DLGAP1: variants seen among roughly 807,000 people sequenced by gnomAD.
DLGAP1 encodes the protein disks large-associated protein 1.
Under a neutral mutation model 90.8 loss-of-function variants are expected in DLGAP1, and 11 were observed. The observed-to-expected ratio is 0.12, with a 90% CI of 0.08 to 0.20. The LOEUF (loss-of-function observed/expected upper bound fraction) is 0.20. DLGAP1 is among the 10% of genes least tolerant of loss of function. The pLI is 1.00. For missense variants in DLGAP1, 1,050 were observed against 1,333.8 expected (o/e 0.79, Z 3.31); for synonymous variants, 558 against 540.7 (o/e 1.03, Z -0.44).
At chr18:3,695,778 A>G (rs535004387) in intron 7 of DLGAP1, among the ~76,000 whole-genome samples, 160 of 152,304 alleles carry the variant, frequency 1.1e-3, no homozygotes, top group African/African-American at 3.6e-3. Context: ...CATTTAATCT[A>G]TAAATTACTT....
At position 4,378,977 on chromosome 18, in the gene DLGAP1, G is replaced by T. The variant is rs2082067748; in HGVS notation, c.-267+76029C>A. On this transcript the variant is annotated intron_variant, in intron 1 of 12. Transcript: ENST00000315677. This position sits in a 1 kb window ranked among gnomAD's most constrained non-coding sequence, Gnocchi z 4.5. ...CTGCTTATCCATGTTCACAGCATGT[G>T]ATCTCCTGTGCCGCGTGACCACAGT... Among the ~76,000 whole-genome samples the T allele has an allele frequency of 6.6e-6, 1 of 152,104 alleles. No homozygotes were observed. Among genetic ancestry groups the T allele is most frequent in the Admixed American group, 6.6e-5 (1 of 15,250 alleles).
intron 7 of DLGAP1, among the ~76,000 whole-genome samples, chr18:3,602,468 G>A (rs1362659279): frequency 6.6e-6 from 1 of 150,914 alleles, no homozygotes; most frequent in South Asian, 2.1e-4. Flanking sequence ...GGTGGCGGGC[G>A]CCTGTAGTCC....
chr18:4,146,443 ATT>A (rs1409610426), intron 2 of DLGAP1, among the ~76,000 whole-genome samples: 2 of 152,100 alleles, frequency 1.3e-5, no homozygotes, highest in African/African-American at 4.8e-5. Context: ...CTCACTCATA[ATT>A]TTGTGTCGGA....
At chr18:3,650,820 G>A (rs1446500157) in intron 7 of DLGAP1, among the ~76,000 whole-genome samples, 1 of 152,204 alleles carries the variant, frequency 6.6e-6, no homozygotes, top group African/African-American at 2.4e-5. Context: ...TGTAATCCCA[G>A]CACTTTGGGA....
At chr18:3,841,559 C>G (rs1180021522) in intron 4 of DLGAP1, among the ~76,000 whole-genome samples, 2 of 152,154 alleles carry the variant, frequency 1.3e-5, no homozygotes, top group African/African-American at 4.8e-5. Flanking sequence ...ATAGAAAGAA[C>G]TGGTCCCTGG....
At chr18:4,313,388 A>T (rs1413535852) in intron 1 of DLGAP1, among the ~76,000 whole-genome samples, 1 of 152,132 alleles carries the variant, frequency 6.6e-6, no homozygotes, top group Non-Finnish European at 1.5e-5. Flanking sequence ...TACCTGTTTG[A>T]GGAGAAGAGA....
chr18:4,224,796 A>T (rs1467563133), intron 1 of DLGAP1, among the ~76,000 whole-genome samples: 1 of 152,210 alleles, frequency 6.6e-6, no homozygotes, highest in Non-Finnish European at 1.5e-5. Context: ...GAAGGATACA[A>T]GCCTGGCTGG....
chr18:4,048,877 A>G (rs2075092916), intron 2 of DLGAP1, among the ~76,000 whole-genome samples: 1 of 152,156 alleles, frequency 6.6e-6, no homozygotes, highest in African/African-American at 2.4e-5. Context: ...TCTTTCAAAT[A>G]TTTCTATCTT....
intron 2 of DLGAP1, among the ~76,000 whole-genome samples, chr18:4,089,481 C>G (rs1432016704): frequency 6.6e-6 from 1 of 152,090 alleles, no homozygotes; most frequent in Non-Finnish European, 1.5e-5. Flanking sequence ...CAAAAAAGGG[C>G]CCATATAGCC....
At position 4,284,271 on chromosome 18, in the gene DLGAP1, T is replaced by C. The variant is rs146692969; in HGVS notation, c.-266-132984A>G. Among the ~76,000 whole-genome samples, 4 of 150,066 alleles carry C rather than the reference T, an allele frequency of 2.7e-5. No homozygotes were observed. In the East Asian group the frequency reaches 5.9e-4, roughly 22 times the overall value. On this transcript the variant is annotated intron_variant, in intron 1 of 12. Coordinates refer to ENST00000315677, the MANE Select transcript of DLGAP1 (RefSeq NM_004746.4). ...AAGCCTTTCAGCAGCAGAGGTATAA[T>C]GTCGGCTCTTCCTTGAGGTAAACAG...
chr18:3,531,746 G>GCCTCA (rs2144428909), intron 10 of DLGAP1, among the ~76,000 whole-genome samples: 1 of 152,208 alleles, frequency 6.6e-6, no homozygotes, highest in African/African-American at 2.4e-5. Context: ...GCCTCCCAAA[G>GCCTCA]TGCTAGGATT....
chr18:4,232,264 G>A (rs2078315508), intron 1 of DLGAP1, among the ~76,000 whole-genome samples: 1 of 152,040 alleles, frequency 6.6e-6, no homozygotes, highest in African/African-American at 2.4e-5. Flanking sequence ...ATTCTATTGA[G>A]GGGTCCTTAA....
At chr18:3,920,114 G>A (rs567688769) in intron 3 of DLGAP1, among the ~76,000 whole-genome samples, 1 of 152,154 alleles carries the variant, frequency 6.6e-6, no homozygotes, top group Admixed American at 6.5e-5. Flanking sequence ...AGGCCGAGGC[G>A]GGCAGATCAC....
At chr18:4,439,394 G>A (rs1465389654) in intron 1 of DLGAP1, among the ~76,000 whole-genome samples, 1 of 152,190 alleles carries the variant, frequency 6.6e-6, no homozygotes, top group Non-Finnish European at 1.5e-5. Context: ...AAGCCATTGA[G>A]CTTTGTTATT....
chr18:3,502,095 T>C lies in DLGAP1; in HGVS notation c.2724+398A>G, dbSNP rs191368550. 4 of 983,136 alleles carry C rather than the reference T, an allele frequency of 4.1e-6. No individual in the cohort carries two copies. The East Asian group carries it at 2.9e-4, about 72-fold the overall frequency. 60.9% of individuals were successfully genotyped at this position (983,136 alleles called of 1,614,324 possible). On this transcript the variant is annotated intron_variant, in intron 12 of 12. Transcript: ENST00000315677. ...GTCAGTTATTTTTCAGGGCATCCTA[T>C]TTTTCTTGAAAACACATCCTAGGGG...
intron 7 of DLGAP1, among the ~76,000 whole-genome samples, chr18:3,716,330 C>T (rs1228194448): frequency 6.6e-6 from 1 of 152,132 alleles, no homozygotes; most frequent in East Asian, 1.9e-4. Context: ...GGGAGGACTG[C>T]TTGAGACCAG....
At chr18:4,043,061 T>C (rs2074999170) in intron 2 of DLGAP1, among the ~76,000 whole-genome samples, 1 of 152,262 alleles carries the variant, frequency 6.6e-6, no homozygotes, top group Admixed American at 6.5e-5. Context: ...AGACGTAATT[T>C]AGGTTTTAAA....
At chr18:3,795,715 C>T (rs1182527399) in intron 5 of DLGAP1, among the ~76,000 whole-genome samples, 1 of 152,032 alleles carries the variant, frequency 6.6e-6, no homozygotes, top group Non-Finnish European at 1.5e-5. Flanking sequence ...AACTCCTGGG[C>T]CCATGCGATC....
intron 2 of DLGAP1, among the ~76,000 whole-genome samples, chr18:4,145,355 T>C (rs1277468371): frequency 6.6e-6 from 1 of 152,200 alleles, no homozygotes; most frequent in Non-Finnish European, 1.5e-5. Flanking sequence ...AACTATAGAA[T>C]AGTGAAATAG....
Sources: allele counts gnomAD v4.1 joint callset (sites outside exome capture counted in the v4.1 genomes callset), GRCh38; gene constraint gnomAD v4.1.1; non-coding constraint Gnocchi (gnomAD v3.1); transcripts MANE v1.5; gene names NCBI Gene and HGNC (gene_info 2026-07-23, HGNC 2026-07-21).